GAREM1: variants seen among roughly 807,000 people sequenced by gnomAD.
GAREM1 encodes GRB2 associated regulator of MAPK1 subtype 1, also known as GRB2-associated and regulator of MAPK protein 1.
In GAREM1, 26 loss-of-function variants were observed where a neutral mutation model predicts 71.3. The ratio of observed to expected loss-of-function variants is 0.36; its 90% confidence interval spans 0.27 to 0.51. The LOEUF is 0.51. Ranked by LOEUF, GAREM1 falls within the 20% of genes least tolerant of loss-of-function variation. GAREM1 has a pLI of 0.95. For missense variants in GAREM1, 1,026 were observed against 1,103.1 expected (o/e 0.93, Z 0.99); for synonymous variants, 440 against 433.2 (o/e 1.02, Z -0.20).
intron 1 of GAREM1, among the ~76,000 whole-genome samples, chr18:32,441,877 A>G (rs942986311): frequency 1.3e-5 from 2 of 152,148 alleles, no homozygotes; most frequent in Non-Finnish European, 2.9e-5. Context: ...GCAACCTACC[A>G]AGTCCCTTGG....
rs943635068 is a variant in GAREM1, at chr18:32,470,254, C to A, written c.121+54G>T. 2.1e-6 allele frequency: 3 copies of A among 1,415,112 alleles called. No homozygotes were observed. The African/African-American group carries it at 4.4e-5, about 21-fold the overall frequency. 87.7% of individuals were successfully genotyped at this position (1,415,112 alleles called of 1,614,324 possible). A position where few individuals can be genotyped will look rare whatever the true frequency, so the allele number is the denominator to read the frequency against. On this transcript the variant is annotated intron_variant, in intron 1 of 5. Transcript: ENST00000269209. The surrounding 1 kb of genome is among the most constrained non-coding windows in gnomAD (Gnocchi z 4.4). ...CCTCTCCAGCACACGCGCGCACACC[C>A]GCGTGGAGACGGCTGTCCTCGCCCG...
chr18:32,385,158 C>T (rs1403537100), intron 2 of GAREM1, among the ~76,000 whole-genome samples: 1 of 151,616 alleles, frequency 6.6e-6, no homozygotes, highest in Non-Finnish European at 1.5e-5. Flanking sequence ...GATTTCACTC[C>T]TATGTCCTCT....
intron 2 of GAREM1, among the ~76,000 whole-genome samples, chr18:32,329,663 G>A (rs1024940120): frequency 6.4e-5 from 9 of 140,116 alleles, no homozygotes; most frequent in South Asian, 2.3e-4. Context: ...CCGAGATTGC[G>A]CCACTGCACT....
At chr18:32,273,808 T>G (rs1018386139) in intron 4 of GAREM1, among the ~76,000 whole-genome samples, 1 of 152,124 alleles carries the variant, frequency 6.6e-6, no homozygotes, top group Non-Finnish European at 1.5e-5. Flanking sequence ...GAAACAAGAA[T>G]ATGAGGCCAG....
rs1390589013 is a variant in GAREM1, at chr18:32,264,358, T to C, written c.*3513A>G. On this transcript the variant is annotated 3_prime_UTR_variant, in exon 6 of 6. Transcript: ENST00000269209. ...TTGTTTTCCAGTTTGTTATTCAAAA[T>C]GTTAATCTTATACTTGCTAGGCACG... 2 of 152,232 alleles carry C rather than the reference T, an allele frequency of 1.3e-5. No homozygotes were observed. The highest frequency in any genetic ancestry group is 4.8e-5 in the African/African-American group (2 of 41,446). 9.4% of individuals were successfully genotyped at this position (152,232 alleles called of 1,614,324 possible).
At chr18:32,326,471 C>A (rs192312046) in intron 2 of GAREM1, among the ~76,000 whole-genome samples, 5 of 152,324 alleles carry the variant, frequency 3.3e-5, no homozygotes, top group East Asian at 1.9e-4. Context: ...GAGAGCCCCC[C>A]ACTCTTGCTA....
chr18:32,374,304 A>G (rs1475676025), intron 2 of GAREM1, among the ~76,000 whole-genome samples: 1 of 152,216 alleles, frequency 6.6e-6, no homozygotes, highest in Non-Finnish European at 1.5e-5. Context: ...TGCCCTGGAC[A>G]ATAATTAGAG....
chr18:32,368,064 A>G (rs1297411667), intron 2 of GAREM1, among the ~76,000 whole-genome samples: 1 of 143,898 alleles, frequency 6.9e-6, no homozygotes, highest in Non-Finnish European at 1.5e-5. Flanking sequence ...TCCCTTTAAC[A>G]TGCTTAAATC....
chr18:32,462,575 T>C (rs1243235137), intron 1 of GAREM1, among the ~76,000 whole-genome samples: 1 of 152,136 alleles, frequency 6.6e-6, no homozygotes, highest in Admixed American at 6.6e-5. Flanking sequence ...TTTTGCTCCG[T>C]TGATTGTTTC....
At chr18:32,382,981 G>C (rs2048111846) in intron 2 of GAREM1, among the ~76,000 whole-genome samples, 1 of 152,084 alleles carries the variant, frequency 6.6e-6, no homozygotes, top group Non-Finnish European at 1.5e-5. Flanking sequence ...AATGTAGAAG[G>C]CATGAATGGA....
At chr18:32,343,940 C>CACAA (rs1194997332) in intron 2 of GAREM1, among the ~76,000 whole-genome samples, 3 of 152,100 alleles carry the variant, frequency 2.0e-5, no homozygotes, top group Non-Finnish European at 2.9e-5. Flanking sequence ...TCCTTTCCCC[C>CACAA]ACAAGCCTCT....
chr18:32,271,650 CAGA>C (rs1227849295), intron 4 of GAREM1, among the ~76,000 whole-genome samples: 2 of 152,170 alleles, frequency 1.3e-5, no homozygotes, highest in Non-Finnish European at 2.9e-5. Flanking sequence ...GACAAGGCTG[CAGA>C]AGGAGTAATG....
intron 3 of GAREM1, among the ~76,000 whole-genome samples, chr18:32,298,739 T>C (rs553431304): frequency 6.6e-6 from 1 of 151,734 alleles, no homozygotes; most frequent in Admixed American, 6.6e-5. Context: ...TGTTCAAACA[T>C]GTAAGAGGTT....
intron 2 of GAREM1, among the ~76,000 whole-genome samples, chr18:32,346,140 T>C (rs2047694392): frequency 6.6e-6 from 1 of 152,168 alleles, no homozygotes; most frequent in Non-Finnish European, 1.5e-5. Flanking sequence ...TGTTGCTTTA[T>C]TTTTTATAAA....
chr18:32,360,094 TCTTAC>T (rs757717899), intron 2 of GAREM1, among the ~76,000 whole-genome samples: 52 of 152,068 alleles, frequency 3.4e-4, no homozygotes, highest in Non-Finnish European at 6.2e-4. Flanking sequence ...TCCTTTCCTA[TCTTAC>T]CTTTTCTCCT....
chr18:32,449,285 T>C (rs1448403729), intron 1 of GAREM1, among the ~76,000 whole-genome samples: 2 of 152,234 alleles, frequency 1.3e-5, no homozygotes, highest in Non-Finnish European at 2.9e-5. Flanking sequence ...TGGGGGAATA[T>C]GGAAGAGTTA....
intron 2 of GAREM1, among the ~76,000 whole-genome samples, chr18:32,364,429 A>ATGCACGTGCAAGTGCG (rs775079449): frequency 6.4e-4 from 97 of 152,190 alleles, no homozygotes; most frequent in Admixed American, 2.5e-3. Context: ...ACACACACAC[A>ATGCACGTGCAAGTGCG]TGCACGTGCA....
chr18:32,277,904 T>C (rs1304412799), intron 4 of GAREM1, among the ~76,000 whole-genome samples: 4 of 152,218 alleles, frequency 2.6e-5, no homozygotes, highest in African/African-American at 9.6e-5. Context: ...TACATACAAT[T>C]GGAGTGCTTT....
At chr18:32,331,354 A>C (rs1270609429) in intron 2 of GAREM1, among the ~76,000 whole-genome samples, 1 of 152,250 alleles carries the variant, frequency 6.6e-6, no homozygotes, top group African/African-American at 2.4e-5. Context: ...GCCATATGGA[A>C]GGAGGTAAAA....
Sources: allele counts gnomAD v4.1 joint callset (sites outside exome capture counted in the v4.1 genomes callset), GRCh38; gene constraint gnomAD v4.1.1; non-coding constraint Gnocchi (gnomAD v3.1); transcripts MANE v1.5; gene names NCBI Gene and HGNC (gene_info 2026-07-23, HGNC 2026-07-21).